The following NT5DC3 variants were observed in gnomAD, a reference collection of about 807,000 sequenced individuals.
The protein encoded by NT5DC3 is 5'-nucleotidase domain-containing protein 3.
NT5DC3 carries 42 observed loss-of-function variants against 67.8 expected under a neutral mutation model. The observed-to-expected ratio is 0.62, with a 90% CI of 0.48 to 0.80. The LOEUF (loss-of-function observed/expected upper bound fraction) is 0.80, where lower values mean the gene tolerates loss of function less well. Ranked by LOEUF, NT5DC3 falls within the 30% of genes least tolerant of loss-of-function variation. The pLI, the probability that NT5DC3 is intolerant of heterozygous loss-of-function variation, is 0.00. For missense variants in NT5DC3, 570 were observed against 696.4 expected, an observed-to-expected ratio of 0.82 and a Z score of 2.04; for synonymous variants, 237 against 255.6, an observed-to-expected ratio of 0.93 and a Z score of 0.69.
intron 1 of NT5DC3, among the ~76,000 whole-genome samples, chr12:103,835,413 G>A (rs770624596): frequency 5.3e-5 from 8 of 152,098 alleles, no homozygotes; most frequent in African/African-American, 1.2e-4. Flanking sequence ...CCTCTAACAC[G>A]TGAATACTTC....
intron 10 of NT5DC3, among the ~76,000 whole-genome samples, chr12:103,787,871 T>G (rs1290546410): frequency 1.5e-5 from 2 of 137,308 alleles, no homozygotes; most frequent in Non-Finnish European, 3.1e-5. Flanking sequence ...ATCTATTTTA[T>G]AAGCAACTTC....
chr12:103,763,807 G>T, the NT5DC3 span: 1 of 509,780 alleles, frequency 2.0e-6, no homozygotes, highest in Non-Finnish European at 3.5e-6. Context: ...CTCTTGGGTA[G>T]ACAGCAGAAT....
the NT5DC3 span, chr12:103,761,436 G>A: frequency 5.9e-4 from 942 of 1,602,282 alleles, no homozygotes; most frequent in Non-Finnish European, 7.2e-4. Context: ...CCCTGATAAC[G>A]GGCCAGGAGG....
chr12:103,788,323 A>G (rs1012076535), intron 10 of NT5DC3, among the ~76,000 whole-genome samples: 1 of 152,192 alleles, frequency 6.6e-6, no homozygotes, highest in Non-Finnish European at 1.5e-5. Flanking sequence ...GTGCATGCCT[A>G]TGATCCCAGC....
rs1593388844 is a variant in NT5DC3, at chr12:103,787,453, G to T, written c.1176C>A (p.Tyr392Ter). Reference sequence around the variant, plus strand: ...AAGGGCCCCTCACCGCCAGGTCACTGTATATATGGTCACCAAAATACAACA... The same window carrying T: ...AAGGGCCCCTCACCGCCAGGTCACTTTATATATGGTCACCAAAATACAACA... ...SRVLYFGDHI[Y>*]SDLADLTLKH... Residue 392 changes from tyrosine (Y) to a stop codon, truncating the protein, a stop_gained, in exon 11 of 14, where the codon TAC becomes TAA. Coordinates refer to ENST00000392876, the MANE Select transcript of NT5DC3 (RefSeq NM_001031701.3). LOFTEE classifies it high-confidence loss of function. The T allele has an allele frequency of 1.3e-6, 2 of 1,598,648 alleles. No individual in the cohort carries two copies. The highest frequency in any genetic ancestry group is 8.5e-7 in the Non-Finnish European group (1 of 1,170,828).
chr12:103,782,053 GA>G (rs528614860), intron 12 of NT5DC3, among the ~76,000 whole-genome samples: 5 of 151,988 alleles, frequency 3.3e-5, no homozygotes, highest in East Asian at 3.9e-4. Context: ...ATGGTTGGGG[GA>G]AAAAAAACTC....
chr12:103,841,013 C>A lies in NT5DC3; in HGVS notation c.144G>T (p.Gly48=), dbSNP rs1888398102. ...GPARPLCTAP[G]TAPDMKRYLW... ...GGTAGCGCTTCATGTCCGGGGCGGTCCCGGGTGCAGTGCACAAGGGCCGGG... is the reference window on the plus strand; with the variant it reads ...GGTAGCGCTTCATGTCCGGGGCGGTACCGGGTGCAGTGCACAAGGGCCGGG... Residue 48 remains glycine, a synonymous_variant, in exon 1 of 14, where the codon GGG becomes GGT. Coordinates refer to ENST00000392876, the MANE Select transcript of NT5DC3 (RefSeq NM_001031701.3). 2 of 1,299,316 alleles carry A rather than the reference C, an allele frequency of 1.5e-6. No individual in the cohort carries two copies. The highest frequency in any genetic ancestry group is 4.1e-5 in the Admixed American group (1 of 24,508). 80.5% of individuals were successfully genotyped at this position (1,299,316 alleles called of 1,614,324 possible).
intron 1 of NT5DC3, among the ~76,000 whole-genome samples, chr12:103,836,299 A>G (rs1888144586): frequency 6.6e-6 from 1 of 152,236 alleles, no homozygotes; most frequent in Non-Finnish European, 1.5e-5. Context: ...AGTCTCATCT[A>G]AGACAAGATA....
chr12:103,803,057 A>G (rs1886651404), intron 4 of NT5DC3, among the ~76,000 whole-genome samples: 1 of 152,178 alleles, frequency 6.6e-6, no homozygotes, highest in East Asian at 1.9e-4. Context: ...GGAGGGGGCC[A>G]ACAGCAGAAA....
chr12:103,761,437 G>A, the NT5DC3 span: 1 of 1,603,188 alleles, frequency 6.2e-7, no homozygotes, highest in Non-Finnish European at 8.5e-7. Flanking sequence ...CCTGATAACG[G>A]GCCAGGAGGA....
At chr12:103,802,832 A>G (rs766704374) in intron 4 of NT5DC3, among the ~76,000 whole-genome samples, 4 of 152,198 alleles carry the variant, frequency 2.6e-5, no homozygotes, top group African/African-American at 4.8e-5. Context: ...AAGAAGAGGA[A>G]GCGAAGAGTT....
chr12:103,803,236 G>C (rs1011566481), intron 4 of NT5DC3, among the ~76,000 whole-genome samples: 3 of 152,046 alleles, frequency 2.0e-5, no homozygotes, highest in Admixed American at 1.3e-4. Flanking sequence ...GAGGTTTAGA[G>C]AAAGAAAAAC....
At chr12:103,763,407 G>A in the NT5DC3 span, 5 of 1,101,924 alleles carry the variant, frequency 4.5e-6, no homozygotes, top group Admixed American at 7.7e-5. Context: ...CAGAGGCAAA[G>A]GGTGGCTTGC....
the NT5DC3 span, chr12:103,758,242 C>T: frequency 5.6e-6 from 9 of 1,613,968 alleles, no homozygotes; most frequent in Admixed American, 3.3e-5. Flanking sequence ...CCTGTCCATC[C>T]GCGGCACCCT....
chr12:103,759,015 C>T, the NT5DC3 span: 2 of 1,537,898 alleles, frequency 1.3e-6, no homozygotes, highest in South Asian at 2.3e-5. Context: ...CTGATCTCCA[C>T]ATGGAGGCAG....
chr12:103,840,833 G>T, intron 1 of NT5DC3, 116 bp downstream of exon 1: 1 of 450,274 alleles, frequency 2.2e-6, no homozygotes, highest in Non-Finnish European at 3.7e-6. Flanking sequence ...CGGGGTTCGC[G>T]ACTGGAGGCC....
chr12:103,788,284 T>C (rs1274375781), intron 10 of NT5DC3, among the ~76,000 whole-genome samples: 1 of 152,108 alleles, frequency 6.6e-6, no homozygotes, highest in Non-Finnish European at 1.5e-5. Flanking sequence ...CTACAAAAAA[T>C]AAAAATTAAA....
chr12:103,793,550 T>C lies in NT5DC3; in HGVS notation c.815-38A>G. The C allele has an allele frequency of 2.8e-6, 4 of 1,451,230 alleles. No homozygotes were observed. The South Asian group carries it at 4.6e-5, about 17-fold the overall frequency. The allele number at this position is 1,451,230 out of a possible 1,614,324, so 89.9% of individuals were successfully genotyped here. On this transcript the variant is annotated intron_variant, in intron 7 of 13. Coordinates refer to ENST00000392876, the MANE Select transcript of NT5DC3 (RefSeq NM_001031701.3). ...GAAAAATTCACACACAGATTCAGCA[T>C]GATATTTGTCAATCTGCAAGTACTT...
intron 1 of NT5DC3, among the ~76,000 whole-genome samples, chr12:103,840,396 A>G (rs1350581563): frequency 3.5e-5 from 5 of 143,720 alleles, no homozygotes; most frequent in African/African-American, 1.0e-4. Flanking sequence ...ATCTCATCTC[A>G]TCTCATCTCA....
Sources: gnomAD v4.1 joint callset for allele counts (sites outside exome capture counted in the v4.1 genomes callset) on GRCh38, gnomAD v4.1.1 for gene constraint, MANE v1.5 for transcripts, NCBI Gene and HGNC (gene_info 2026-07-23, HGNC 2026-07-21) for gene names.